The following CCDC192 variants were observed in gnomAD, a reference collection of about 807,000 sequenced individuals.
CCDC192 encodes coiled-coil domain-containing protein 192.
intron 6 of CCDC192, among the ~76,000 whole-genome samples, chr5:127,890,069 T>A (rs574952273): frequency 6.6e-6 from 1 of 152,056 alleles, no homozygotes; most frequent in South Asian, 2.1e-4. Context: ...TGGATCTGGA[T>A]CTCACAGATG....
intron 6 of CCDC192, among the ~76,000 whole-genome samples, chr5:127,881,514 A>G (rs1752351224): frequency 6.6e-6 from 1 of 152,174 alleles, no homozygotes; most frequent in Admixed American, 6.5e-5. Flanking sequence ...GATCAGAGGG[A>G]TGTTCCAAAA....
chr5:127,870,782 A>G (rs1052575424), intron 5 of CCDC192, among the ~76,000 whole-genome samples: 2 of 152,274 alleles, frequency 1.3e-5, no homozygotes, highest in South Asian at 4.1e-4. Flanking sequence ...GAGGGTATAT[A>G]AATACGAAAC....
intron 1 of CCDC192, among the ~76,000 whole-genome samples, chr5:127,707,489 C>A (rs759846175): frequency 1.1e-4 from 17 of 151,820 alleles, no homozygotes; most frequent in Non-Finnish European, 1.9e-4. Context: ...CTCAAGAGAA[C>A]TTTTAAAGGC....
intron 5 of CCDC192, among the ~76,000 whole-genome samples, chr5:127,825,777 C>T (rs1457387409): frequency 2.6e-5 from 4 of 152,150 alleles, no homozygotes; most frequent in Non-Finnish European, 5.9e-5. Flanking sequence ...ATATTTGAGG[C>T]TCATCAACTA....
chr5:127,919,059 G>GTC (rs1753623909), intron 6 of CCDC192, among the ~76,000 whole-genome samples: 1 of 142,064 alleles, frequency 7.0e-6, no homozygotes, highest in African/African-American at 2.8e-5. Context: ...GTGTGTGTAT[G>GTC]TGTGTGTGTA....
rs566223681 is a variant in CCDC192, at chr5:127,802,311, G to C, written c.411+4149G>C. Among the ~76,000 whole-genome samples the C allele has an allele frequency of 6.2e-4, 95 of 152,248 alleles. 1 individual carries two copies. The South Asian group carries it at 0.013, about 20-fold the overall frequency. On this transcript the variant is annotated intron_variant, in intron 5 of 6. Transcript: ENST00000514853. Reference sequence around the variant, plus strand: ...TTATTCTGATCATGTCATTTCCTTAGTTCCAAAGCCTTGAGTGAGACATTG... The same window carrying C: ...TTATTCTGATCATGTCATTTCCTTACTTCCAAAGCCTTGAGTGAGACATTG...
intron 5 of CCDC192, among the ~76,000 whole-genome samples, chr5:127,858,861 C>T (rs530110180): frequency 1.3e-5 from 2 of 152,162 alleles, no homozygotes; most frequent in South Asian, 4.1e-4. Context: ...TTTCATAAGG[C>T]AAGAAAAACA....
intron 2 of CCDC192, among the ~76,000 whole-genome samples, chr5:127,714,661 C>A (rs534707545): frequency 6.6e-6 from 1 of 152,180 alleles, no homozygotes. Flanking sequence ...TGAGCCACTA[C>A]GCCTGGCCAG....
intron 5 of CCDC192, among the ~76,000 whole-genome samples, chr5:127,821,044 TAC>T (rs1473908549): frequency 1.3e-5 from 2 of 152,022 alleles, no homozygotes; most frequent in East Asian, 1.9e-4. Flanking sequence ...CACACACATA[TAC>T]ACACACACTG....
intron 6 of CCDC192, among the ~76,000 whole-genome samples, chr5:127,912,562 G>A (rs55682883): frequency 3.3e-5 from 5 of 152,054 alleles, no homozygotes; most frequent in East Asian, 1.9e-4. Context: ...GGAGAACACC[G>A]AGCCTCTGTG....
chr5:127,808,329 CT>C (rs35033109), intron 5 of CCDC192, among the ~76,000 whole-genome samples: 1 of 151,738 alleles, frequency 6.6e-6, no homozygotes, highest in East Asian at 1.9e-4. Context: ...GTATATCTAC[CT>C]TTTTTTTCAA....
chr5:127,829,421 C>G (rs1315166025), intron 5 of CCDC192, among the ~76,000 whole-genome samples: 1 of 152,014 alleles, frequency 6.6e-6, no homozygotes, highest in Non-Finnish European at 1.5e-5. Flanking sequence ...GGGAAAATAT[C>G]ATCTCCCACC....
At chr5:127,759,191 G>T (rs545306470) in intron 3 of CCDC192, among the ~76,000 whole-genome samples, 4 of 152,114 alleles carry the variant, frequency 2.6e-5, no homozygotes, top group African/African-American at 9.7e-5. Context: ...AGTTACATAG[G>T]GCTGTTGTGA....
At chr5:127,729,021 CTT>C (rs1752491263) in intron 2 of CCDC192, among the ~76,000 whole-genome samples, 1 of 152,104 alleles carries the variant, frequency 6.6e-6, no homozygotes, top group Non-Finnish European at 1.5e-5. Context: ...ATTCTCCTGA[CTT>C]AGCCTCCCGA....
intron 5 of CCDC192, among the ~76,000 whole-genome samples, chr5:127,843,722 G>C (rs1017468501): frequency 1.3e-4 from 20 of 152,122 alleles, no homozygotes; most frequent in Admixed American, 6.5e-4. Flanking sequence ...ATAGGCATGA[G>C]CCACCTCGCC....
intron 3 of CCDC192, among the ~76,000 whole-genome samples, chr5:127,793,478 G>C (rs546692547): frequency 6.2e-4 from 95 of 152,230 alleles, no homozygotes; most frequent in African/African-American, 2.2e-3. Flanking sequence ...AAACGTCACA[G>C]GCCTCATTGT....
At chr5:127,900,928 C>T (rs1753020600) in intron 6 of CCDC192, among the ~76,000 whole-genome samples, 1 of 152,148 alleles carries the variant, frequency 6.6e-6, no homozygotes, top group Admixed American at 6.5e-5. Flanking sequence ...TCTTACTAAA[C>T]AGTCCCTCTT....
chr5:127,769,413 ATGTGTGTGTG>A (rs140726654), intron 3 of CCDC192, among the ~76,000 whole-genome samples: 1 of 146,214 alleles, frequency 6.8e-6, no homozygotes. Context: ...TTTTGTGTGT[ATGTGTGTGTG>A]TGTGTGTGTG....
At chr5:127,740,597 A>G (rs1290558842) in intron 2 of CCDC192, among the ~76,000 whole-genome samples, 3 of 151,242 alleles carry the variant, frequency 2.0e-5, no homozygotes, top group Non-Finnish European at 2.9e-5. Context: ...CATTGTAATT[A>G]ATTTTTTAAA....
Sources: allele counts gnomAD v4.1 joint callset (sites outside exome capture counted in the v4.1 genomes callset), GRCh38; gene constraint gnomAD v4.1.1; transcripts MANE v1.5; gene names NCBI Gene and HGNC (gene_info 2026-07-23, HGNC 2026-07-21).